Variants in MGRN1 observed in about 807,000 individuals in gnomAD.
MGRN1 encodes the protein E3 ubiquitin-protein ligase MGRN1.
A neutral mutation model predicts 69.2 loss-of-function variants in MGRN1; 29 were observed. That is an observed-to-expected ratio of 0.42 (90% CI 0.31 to 0.57). The LOEUF is 0.57. MGRN1 is among the 20% of genes least tolerant of loss of function. The pLI, the probability that MGRN1 is intolerant of heterozygous loss-of-function variation, is 0.15. For synonymous variants in MGRN1, 470 were observed against 344.2 expected, an observed-to-expected ratio of 1.37 and a Z score of -4.04; for missense variants, 998 against 796.2, an observed-to-expected ratio of 1.25 and a Z score of -3.05.
At chr16:4,653,183 C>A (rs983852416) in intron 4 of MGRN1, among the ~76,000 whole-genome samples, 5 of 152,228 alleles carry the variant, frequency 3.3e-5, no homozygotes, top group African/African-American at 1.2e-4. Flanking sequence ...ACAGTCCCCT[C>A]CTCAGGCTTG....
intron 16 of MGRN1, 127 bp downstream of exon 16, chr16:4,684,059 C>G (rs2079251284): frequency 2.4e-6 from 2 of 844,236 alleles, no homozygotes; most frequent in African/African-American, 3.4e-5. Flanking sequence ...CTCTCCCTGG[C>G]TCTCAGCCAT....
chr16:4,663,135 C>T (rs573562603), intron 5 of MGRN1, among the ~76,000 whole-genome samples: 1 of 151,592 alleles, frequency 6.6e-6, no homozygotes, highest in Admixed American at 6.6e-5. Flanking sequence ...GTGATCTCGG[C>T]TCACTGCAAT....
At chr16:4,664,159 C>T (rs1567210296) in intron 5 of MGRN1, 1 of 162,688 alleles carries the variant, frequency 6.1e-6, no homozygotes, top group Admixed American at 5.7e-5. Flanking sequence ...GCGTGCACAG[C>T]GTGTGGATAT....
chr16:4,661,059 G>A (rs912690787), intron 5 of MGRN1, among the ~76,000 whole-genome samples: 3 of 152,032 alleles, frequency 2.0e-5, no homozygotes, highest in African/African-American at 4.8e-5. Flanking sequence ...ACAGCTTGCC[G>A]CAGCCTCGAA....
intron 16 of MGRN1, chr16:4,686,184 C>G (rs2079313073): frequency 1.3e-6 from 2 of 1,510,468 alleles, no homozygotes; most frequent in Admixed American, 4.0e-5. Flanking sequence ...CAAGCTGGTG[C>G]CCTTGCTGTG....
At position 4,680,013 on chromosome 16, in the gene MGRN1, A is replaced by T; in HGVS notation, c.1066-19A>T. ...CGTGGGGGTGGTAGTTGTAAAACAT[A>T]TGATTTTTATCTTGACAGTGTCCCT... is the stretch of plus-strand genomic sequence containing the variant. On this transcript the variant is annotated intron_variant, in intron 11 of 16. Transcript: ENST00000262370. 2.5e-6 allele frequency: 4 copies of T among 1,612,752 alleles called. No homozygotes were observed. Among genetic ancestry groups the T allele is most frequent in the Non-Finnish European group, 3.4e-6 (4 of 1,179,146 alleles).
chr16:4,683,383 C>T, intron 15 of MGRN1, 114 bp downstream of exon 15: 2 of 1,305,358 alleles, frequency 1.5e-6, no homozygotes, highest in Non-Finnish European at 2.1e-6. Flanking sequence ...GCCCCAGGAA[C>T]CCTCGGCCAA....
At chr16:4,629,615 T>C (rs1897888666) in intron 1 of MGRN1, among the ~76,000 whole-genome samples, 1 of 151,256 alleles carries the variant, frequency 6.6e-6, no homozygotes, top group South Asian at 2.1e-4. Flanking sequence ...GGCACACACC[T>C]GTAGTCCCAG....
rs768602227 is a variant in MGRN1, at chr16:4,683,900, G to A, written c.1586G>A (p.Gly529Asp). Residue 529 changes from glycine to aspartate, a missense_variant, in exon 16 of 17, where the codon GGC (glycine) becomes GAC (aspartate). Coordinates refer to ENST00000262370, the MANE Select transcript of MGRN1 (RefSeq NM_015246.4). ...CAGGACAGCAGCCCCGAGCACTGTG[G>A]CCGAGGCCCACCTGCTGACATCTAC... ...VLQDSSPEHC[G>D]RGPPADIYLP... 4.4e-6 allele frequency: 7 copies of A among 1,609,174 alleles called. No individual in the cohort carries two copies. The South Asian group carries it at 7.7e-5, about 18-fold the overall frequency.
chr16:4,672,064 C>T (rs1215415214), intron 9 of MGRN1, among the ~76,000 whole-genome samples: 1 of 152,124 alleles, frequency 6.6e-6, no homozygotes, highest in African/African-American at 2.4e-5. Flanking sequence ...CGCCACCACA[C>T]CCGGCTAATT....
At chr16:4,673,902 C>T (rs112391144) in intron 10 of MGRN1, among the ~76,000 whole-genome samples, 3,738 of 152,342 alleles carry the variant, frequency 0.025, 61 homozygotes, top group Non-Finnish European at 0.034. Flanking sequence ...GCAAGGCTTG[C>T]AGAACAAAGG....
chr16:4,642,499 TG>T (rs2078182700), intron 1 of MGRN1, among the ~76,000 whole-genome samples: 2 of 151,622 alleles, frequency 1.3e-5, no homozygotes, highest in African/African-American at 4.9e-5. Flanking sequence ...TGTGTGTGTG[TG>T]TTTTTAGTAG....
intron 1 of MGRN1, chr16:4,650,113 G>A: frequency 2.9e-6 from 1 of 348,894 alleles, no homozygotes; most frequent in Non-Finnish European, 5.4e-6. Context: ...GACCATCCTG[G>A]CCAATATGGT....
Position 4,673,619 on chromosome 16 carries a change from T to C in MGRN1, c.917T>C (p.Leu306Pro). Residue 306 changes from leucine (L) to proline (P), a missense_variant, in exon 10 of 17, where the codon CTG (leucine) becomes CCG (proline). Physicochemically the swap from Leu to Pro is moderately conservative, Grantham distance 98. Coordinates refer to ENST00000262370, the MANE Select transcript of MGRN1 (RefSeq NM_015246.4). ...CTCTGTACCTCCTGCGCCGACACGC[T>C]GCGCTACCAGGCCAACAACTGCCCC... is the stretch of plus-strand genomic sequence containing the variant. ...LCLCTSCADT[L>P]RYQANNCPIC... 1 of 1,613,624 alleles carries C rather than the reference T, an allele frequency of 6.2e-7. No homozygotes were observed. The highest frequency in any genetic ancestry group is 1.1e-5 in the South Asian group (1 of 91,078).
intron 16 of MGRN1, chr16:4,686,444 C>A: frequency 7.0e-7 from 1 of 1,425,626 alleles, no homozygotes; most frequent in South Asian, 1.5e-5. Context: ...CCCTGGATTC[C>A]GAATCCAGAG....
At position 4,686,744 on chromosome 16, in the gene MGRN1, C is replaced by T. The variant is rs576143177; in HGVS notation, c.1619-2052C>T. 4.0e-6 allele frequency: 4 copies of T among 1,003,772 alleles called. No individual in the cohort carries two copies. In the East Asian group the frequency reaches 3.1e-4, roughly 78 times the overall value. The allele number at this position is 1,003,772 out of a possible 1,614,324, so 62.2% of individuals were successfully genotyped here. A position where few individuals can be genotyped will look rare whatever the true frequency, so the allele number is the denominator to read the frequency against. On this transcript the variant is annotated intron_variant, in intron 16 of 16. Coordinates refer to ENST00000262370, the MANE Select transcript of MGRN1 (RefSeq NM_015246.4). ...CCAAGGGGAGAGGCCTGGGCCTGGC[C>T]TTGTTCCGGATGGTCCCACCATGAG...
Position 4,671,555 on chromosome 16 carries a change from C to G in MGRN1, c.795+96C>G, listed in dbSNP as rs2078937670. 35 of 1,109,644 alleles carry G rather than the reference C, an allele frequency of 3.2e-5. No homozygotes were observed. The South Asian group carries it at 4.1e-4, about 13-fold the overall frequency. The allele number at this position is 1,109,644 out of a possible 1,614,324, so 68.7% of individuals were successfully genotyped here. On this transcript the variant is annotated intron_variant, in intron 9 of 16. Coordinates refer to ENST00000262370, the MANE Select transcript of MGRN1 (RefSeq NM_015246.4). ...GCTTGCCGGTTCCCTTCCATGCCTT[C>G]CCCTGGAGTCCTAGACCCGCTAGAC...
chr16:4,652,038 C>G lies in MGRN1; in HGVS notation c.283C>G (p.Leu95Val), dbSNP rs201332574. ...RSLVNIRKDSLRLVRYKDDAD... is the reference protein window; with the variant it reads ...RSLVNIRKDSVRLVRYKDDAD... ...CCTGGTGAACATCCGCAAAGACTCC[C>G]TGCGGCTGGTGAGGTAACTTCACCC... The change falls in exon 3 of 17, where the codon CTG becomes GTG. Residue 95 changes from leucine to valine, a missense_variant. Physicochemically the swap from Leu to Val is conservative, Grantham distance 32. Coordinates refer to ENST00000262370, the MANE Select transcript of MGRN1 (RefSeq NM_015246.4). 2 of 1,614,006 alleles carry G rather than the reference C, an allele frequency of 1.2e-6. No individual in the cohort carries two copies. The highest frequency in any genetic ancestry group is 1.7e-6 in the Non-Finnish European group (2 of 1,179,930).
intron 3 of MGRN1, 31 bp from the exon 4 acceptor site, chr16:4,652,647 C>A (rs750827842): frequency 6.3e-7 from 1 of 1,589,136 alleles, no homozygotes; most frequent in Non-Finnish European, 8.6e-7. Flanking sequence ...GGCCGCTGAC[C>A]CGCTGCCTTT....
Sources: allele counts gnomAD v4.1 joint callset (sites outside exome capture counted in the v4.1 genomes callset), GRCh38; gene constraint gnomAD v4.1.1; transcripts MANE v1.5; gene names NCBI Gene and HGNC (gene_info 2026-07-23, HGNC 2026-07-21).